VAT1L: variants seen among roughly 807,000 people sequenced by gnomAD.
VAT1L encodes the protein putative NADPH-dependent quinone oxidoreductase VAT1L.
VAT1L carries 34 observed loss-of-function variants against 44.1 expected under a neutral mutation model. The ratio of observed to expected loss-of-function variants is 0.77; its 90% confidence interval spans 0.59 to 1.03. The LOEUF is 1.03. VAT1L is among the 50% of genes least tolerant of loss of function. The pLI is 0.00. For missense variants in VAT1L, 615 were observed against 538.8 expected (o/e 1.14, Z -1.40); for synonymous variants, 253 against 202.2 (o/e 1.25, Z -2.13).
chr16:77,940,749 A>G (rs1270003948), intron 7 of VAT1L, among the ~76,000 whole-genome samples: 2 of 152,120 alleles, frequency 1.3e-5, no homozygotes, highest in South Asian at 4.1e-4. Flanking sequence ...CTGTCTTCAA[A>G]TTTTCCAGCA....
At chr16:77,846,251 T>C (rs573180023) in intron 3 of VAT1L, among the ~76,000 whole-genome samples, 19 of 152,224 alleles carry the variant, frequency 1.2e-4, no homozygotes, top group Non-Finnish European at 2.2e-4. Context: ...AAACAGCTTG[T>C]AAGCCATTAT....
chr16:77,940,340 GTT>G (rs66546770), intron 7 of VAT1L, among the ~76,000 whole-genome samples: 8 of 112,512 alleles, frequency 7.1e-5, no homozygotes, highest in Non-Finnish European at 6.9e-5. Context: ...ATACCACTTG[GTT>G]TTTTTTTTTT....
At chr16:77,793,112 C>G (rs2015864013) in intron 1 of VAT1L, among the ~76,000 whole-genome samples, 1 of 152,144 alleles carries the variant, frequency 6.6e-6, no homozygotes, top group Admixed American at 6.5e-5. Context: ...ATTATTCAAA[C>G]TGGAACTCTT....
intron 3 of VAT1L, among the ~76,000 whole-genome samples, chr16:77,841,989 G>A (rs986763192): frequency 2.6e-5 from 4 of 151,984 alleles, no homozygotes; most frequent in African/African-American, 4.8e-5. Flanking sequence ...CCGGGTTCAC[G>A]CCATTCTCCT....
chr16:77,808,129 T>C (rs1253590842), intron 1 of VAT1L, among the ~76,000 whole-genome samples: 1 of 152,074 alleles, frequency 6.6e-6, no homozygotes, highest in Non-Finnish European at 1.5e-5. Context: ...CGTCTCTATT[T>C]AGAGCCACTA....
intron 7 of VAT1L, among the ~76,000 whole-genome samples, chr16:77,918,179 C>G (rs1218071464): frequency 6.6e-6 from 1 of 152,188 alleles, no homozygotes; most frequent in Non-Finnish European, 1.5e-5. Flanking sequence ...CTCTCACTGA[C>G]ACTCACCAGC....
At chr16:77,799,507 GTGTGTGTGTGTGTGTGT>G (rs2016005006) in intron 1 of VAT1L, among the ~76,000 whole-genome samples, 13 of 698 alleles carry the variant, frequency 0.019, no homozygotes, top group Non-Finnish European at 0.09. Context: ...AATACATGGT[GTGTGTGTGTGTGTGTGT>G]GTGTGTGTGT....
At chr16:77,790,345 T>C (rs977817919) in intron 1 of VAT1L, among the ~76,000 whole-genome samples, 6 of 152,182 alleles carry the variant, frequency 3.9e-5, no homozygotes, top group African/African-American at 1.4e-4. Flanking sequence ...ACCAAGTTGT[T>C]TGATCCCAGA....
intron 3 of VAT1L, among the ~76,000 whole-genome samples, chr16:77,848,648 G>T (rs754642433): frequency 2.6e-5 from 4 of 152,120 alleles, no homozygotes; most frequent in Non-Finnish European, 4.4e-5. Context: ...ATGCTTATGT[G>T]ATTTGCCCAA....
chr16:77,882,927 A>G (rs936439887), intron 6 of VAT1L, among the ~76,000 whole-genome samples: 3 of 152,140 alleles, frequency 2.0e-5, no homozygotes, highest in African/African-American at 7.2e-5. Flanking sequence ...AAGACCATCA[A>G]AACTGAAAGC....
At chr16:77,868,950 T>C (rs1393777133) in intron 4 of VAT1L, among the ~76,000 whole-genome samples, 1 of 152,136 alleles carries the variant, frequency 6.6e-6, no homozygotes, top group Non-Finnish European at 1.5e-5. Flanking sequence ...AGGGCTAGAT[T>C]GATGAGACTC....
intron 1 of VAT1L, among the ~76,000 whole-genome samples, chr16:77,789,261 T>TA (rs926066775): frequency 1.3e-5 from 2 of 152,076 alleles, no homozygotes; most frequent in Non-Finnish European, 2.9e-5. Flanking sequence ...TTAACAGAAT[T>TA]AAAAATATAT....
chr16:77,887,838 T>C (rs1340070329), intron 7 of VAT1L, among the ~76,000 whole-genome samples: 2 of 152,188 alleles, frequency 1.3e-5, no homozygotes, highest in Admixed American at 6.5e-5. Context: ...CCAAATCATG[T>C]CCAACCTTGC....
intron 1 of VAT1L, among the ~76,000 whole-genome samples, chr16:77,815,199 G>T (rs2016330284): frequency 6.6e-6 from 1 of 152,184 alleles, no homozygotes. Flanking sequence ...AATCATTGAA[G>T]TAGGATCTTT....
chr16:77,833,162 A>G (rs986667193), intron 3 of VAT1L, among the ~76,000 whole-genome samples: 19 of 152,232 alleles, frequency 1.2e-4, no homozygotes, highest in African/African-American at 4.6e-4. Flanking sequence ...ACTCTGTTCA[A>G]GACATTGAAT....
intron 3 of VAT1L, among the ~76,000 whole-genome samples, chr16:77,827,126 G>A (rs1269313524): frequency 6.6e-6 from 1 of 152,078 alleles, no homozygotes; most frequent in Non-Finnish European, 1.5e-5. Context: ...GATACCTTTC[G>A]ACCATGAATA....
intron 7 of VAT1L, among the ~76,000 whole-genome samples, chr16:77,942,505 T>C (rs1379237891): frequency 1.3e-5 from 2 of 152,148 alleles, no homozygotes; most frequent in East Asian, 3.9e-4. Context: ...TACACAGTAA[T>C]GGGACTGCTG....
chr16:77,972,786 G>GATA (rs941101095), intron 8 of VAT1L, among the ~76,000 whole-genome samples: 6 of 149,344 alleles, frequency 4.0e-5, no homozygotes, highest in African/African-American at 1.5e-4. Flanking sequence ...TCTCAAAAAT[G>GATA]ATAATAATAA....
intron 7 of VAT1L, among the ~76,000 whole-genome samples, chr16:77,959,318 A>T (rs1260343668): frequency 6.6e-6 from 1 of 152,244 alleles, no homozygotes; most frequent in East Asian, 1.9e-4. Flanking sequence ...TAGACTCCAG[A>T]AGAAGCTACT....
Sources: gnomAD v4.1 joint callset for allele counts (sites outside exome capture counted in the v4.1 genomes callset) on GRCh38, gnomAD v4.1.1 for gene constraint, MANE v1.5 for transcripts, NCBI Gene and HGNC (gene_info 2026-07-23, HGNC 2026-07-21) for gene names.